PDS5B: variants seen among roughly 807,000 people sequenced by gnomAD.
PDS5B encodes PDS5 cohesin associated factor B, also known as sister chromatid cohesion protein PDS5 homolog B.
A neutral mutation model predicts 184.1 loss-of-function variants in PDS5B; 51 were observed. The observed-to-expected ratio is 0.28, with a 90% CI of 0.22 to 0.35. The LOEUF is 0.35. Ranked by LOEUF, PDS5B falls within the 10% of genes least tolerant of loss-of-function variation. The pLI is 1.00. For missense variants in PDS5B, 1,180 were observed against 1,723.3 expected (o/e 0.68, Z 5.58); for synonymous variants, 566 against 569.2 (o/e 0.99, Z 0.08).
At chr13:32,720,455 C>T (rs1021548847) in intron 19 of PDS5B, among the ~76,000 whole-genome samples, 1 of 151,888 alleles carries the variant, frequency 6.6e-6, no homozygotes, top group Non-Finnish European at 1.5e-5. Context: ...TCATATAGTT[C>T]AGGGTTCAGT....
chr13:32,610,956 G>A (rs1245216935), intron 1 of PDS5B, among the ~76,000 whole-genome samples: 4 of 151,404 alleles, frequency 2.6e-5, no homozygotes, highest in Non-Finnish European at 5.9e-5. Context: ...AAAAGTTTAA[G>A]TGAGGCTGAA....
intron 19 of PDS5B, among the ~76,000 whole-genome samples, chr13:32,712,109 G>C (rs1260356642): frequency 6.6e-6 from 1 of 152,082 alleles, no homozygotes; most frequent in East Asian, 1.9e-4. Context: ...CTTATTCCCT[G>C]GAGGTTTTAT....
intron 1 of PDS5B, among the ~76,000 whole-genome samples, chr13:32,588,547 C>T (rs1421790381): frequency 1.3e-5 from 2 of 152,038 alleles, no homozygotes; most frequent in African/African-American, 2.4e-5. Context: ...TTGTCTTGGC[C>T]TTTTTTCTTT....
intron 8 of PDS5B, among the ~76,000 whole-genome samples, chr13:32,675,635 T>G (rs1446734570): frequency 6.6e-6 from 1 of 152,236 alleles, no homozygotes; most frequent in Non-Finnish European, 1.5e-5. Flanking sequence ...AAGGTACTTC[T>G]TTAATGGAAT....
intron 15 of PDS5B, among the ~76,000 whole-genome samples, chr13:32,697,857 T>C (rs555571955): frequency 3.3e-5 from 5 of 152,238 alleles, no homozygotes; most frequent in East Asian, 1.9e-4. Context: ...ATTCCATGCA[T>C]GTATTAACAC....
intron 24 of PDS5B, among the ~76,000 whole-genome samples, chr13:32,751,937 A>G (rs1340190815): frequency 6.6e-6 from 1 of 152,202 alleles, no homozygotes; most frequent in African/African-American, 2.4e-5. Flanking sequence ...ATTTTAAAAT[A>G]AGGATTTAAA....
chr13:32,658,651 A>G, intron 5 of PDS5B, 120 bp downstream of exon 5: 1 of 562,744 alleles, frequency 1.8e-6, no homozygotes, highest in Non-Finnish European at 3.2e-6. Context: ...AACTTTTAAC[A>G]CACTTTATTT....
At chr13:32,763,905 TA>T in intron 30 of PDS5B, among the ~76,000 whole-genome samples, 1 of 152,130 alleles carries the variant, frequency 6.6e-6, no homozygotes, top group Non-Finnish European at 1.5e-5. Flanking sequence ...TTCAACAACA[TA>T]TAAATAGTTT....
chr13:32,762,788 G>A (rs751363001), intron 30 of PDS5B, among the ~76,000 whole-genome samples: 7 of 151,462 alleles, frequency 4.6e-5, no homozygotes, highest in Non-Finnish European at 8.8e-5. Flanking sequence ...AATTATTGTC[G>A]TATTTGACTA....
intron 24 of PDS5B, among the ~76,000 whole-genome samples, chr13:32,747,755 C>A (rs1953808135): frequency 6.6e-6 from 1 of 152,158 alleles, no homozygotes; most frequent in East Asian, 1.9e-4. Flanking sequence ...ATTGGGAAGA[C>A]CTGCAGTCTG....
intron 1 of PDS5B, among the ~76,000 whole-genome samples, chr13:32,590,885 G>T (rs1188863005): frequency 2.0e-5 from 3 of 151,576 alleles, no homozygotes; most frequent in Non-Finnish European, 4.4e-5. Context: ...GAGAGTTGCA[G>T]GCCTTAAGTA....
chr13:32,622,807 T>C (rs1040286132), intron 1 of PDS5B, among the ~76,000 whole-genome samples: 1 of 152,230 alleles, frequency 6.6e-6, no homozygotes, highest in African/African-American at 2.4e-5. Context: ...AAAATTTGTT[T>C]GGTCTGATGA....
chr13:32,644,197 T>C (rs1029466139), intron 1 of PDS5B, among the ~76,000 whole-genome samples: 1 of 152,232 alleles, frequency 6.6e-6, no homozygotes, highest in Non-Finnish European at 1.5e-5. Context: ...ATGCTTGTTA[T>C]GGATGTCCCT....
At chr13:32,717,702 AT>A (rs1428210950) in intron 19 of PDS5B, among the ~76,000 whole-genome samples, 8 of 148,526 alleles carry the variant, frequency 5.4e-5, no homozygotes, top group Middle Eastern at 3.4e-3. Context: ...AAAAAAAAAA[AT>A]AAATAAATCA....
intron 19 of PDS5B, among the ~76,000 whole-genome samples, chr13:32,729,843 C>A (rs1953044096): frequency 6.6e-6 from 1 of 152,104 alleles, no homozygotes; most frequent in African/African-American, 2.4e-5. Context: ...GATATTAGCC[C>A]TTTGTCAGAT....
At chr13:32,628,708 C>G (rs190763626) in intron 1 of PDS5B, among the ~76,000 whole-genome samples, 4 of 152,152 alleles carry the variant, frequency 2.6e-5, no homozygotes, top group African/African-American at 9.6e-5. Context: ...CGTGTGCACA[C>G]ACATACACAC....
chr13:32,592,196 G>T (rs910168724), intron 1 of PDS5B, among the ~76,000 whole-genome samples: 1 of 151,974 alleles, frequency 6.6e-6, no homozygotes, highest in Non-Finnish European at 1.5e-5. Flanking sequence ...TTCCTGTCAG[G>T]CATGGCAGCC....
intron 1 of PDS5B, among the ~76,000 whole-genome samples, chr13:32,626,125 C>G (rs2058367894): frequency 6.6e-6 from 1 of 152,134 alleles, no homozygotes; most frequent in African/African-American, 2.4e-5. Flanking sequence ...CAGGCGTGGT[C>G]CACTGCACCC....
intron 20 of PDS5B, among the ~76,000 whole-genome samples, chr13:32,734,101 C>T (rs1344857343): frequency 1.3e-5 from 2 of 151,686 alleles, no homozygotes. Context: ...GATCTCTGCT[C>T]ACTGCAACCT....
Sources: allele counts gnomAD v4.1 joint callset (sites outside exome capture counted in the v4.1 genomes callset), GRCh38; gene constraint gnomAD v4.1.1; transcripts MANE v1.5; gene names NCBI Gene and HGNC (gene_info 2026-07-23, HGNC 2026-07-21).